TAB2: variants seen among roughly 807,000 people sequenced by gnomAD.
The protein encoded by TAB2 is TGF-beta-activated kinase 1 and MAP3K7-binding protein 2.
A neutral mutation model predicts 65.0 loss-of-function variants in TAB2; 3 were observed. That is an observed-to-expected ratio of 0.05 (90% CI 0.02 to 0.12). The LOEUF is 0.12. TAB2 is among the 10% of genes least tolerant of loss of function. The pLI, the probability that TAB2 is intolerant of heterozygous loss-of-function variation, is 1.00. For synonymous variants in TAB2, 298 were observed against 285.1 expected (o/e 1.05, Z -0.46); for missense variants, 623 against 840.3 (o/e 0.74, Z 3.20).
intron 1 of TAB2, among the ~76,000 whole-genome samples, chr6:149,357,083 T>C (rs1456978771): frequency 6.6e-6 from 1 of 152,162 alleles, no homozygotes; most frequent in Non-Finnish European, 1.5e-5. Context: ...ATTATTTACT[T>C]TTAATTTATT....
At chr6:149,391,152 G>A (rs1004834571) in intron 3 of TAB2, among the ~76,000 whole-genome samples, 8 of 152,104 alleles carry the variant, frequency 5.3e-5, no homozygotes, top group Admixed American at 3.3e-4. Flanking sequence ...AGAATTCTTG[G>A]TTGAATATCA....
At chr6:149,337,224 TG>T (rs1429394877) in intron 1 of TAB2, among the ~76,000 whole-genome samples, 10 of 113,388 alleles carry the variant, frequency 8.8e-5, no homozygotes, top group African/African-American at 2.7e-4. Context: ...ACTTGATAAC[TG>T]TTTCGGTATA....
intron 1 of TAB2, among the ~76,000 whole-genome samples, chr6:149,295,765 G>A (rs917852712): frequency 2.6e-5 from 4 of 151,718 alleles, no homozygotes; most frequent in African/African-American, 9.7e-5. Context: ...TTTGTGCCTG[G>A]TTATCTTTTT....
intron 1 of TAB2, among the ~76,000 whole-genome samples, chr6:149,339,737 T>C (rs1780056754): frequency 6.6e-6 from 1 of 151,768 alleles, no homozygotes. Flanking sequence ...TAGCTGGGAC[T>C]ACAGGTGTGC....
intron 6 of TAB2, among the ~76,000 whole-genome samples, chr6:149,403,339 TACACACACACACACACACACACAC>T (rs71010866): frequency 1.9e-5 from 2 of 105,790 alleles, no homozygotes; most frequent in Non-Finnish European, 3.6e-5. Flanking sequence ...TACATATATA[TACACACACACACACACACACACAC>T]ACACACACAC....
intron 1 of TAB2, among the ~76,000 whole-genome samples, chr6:149,222,767 T>G (rs572604714): frequency 6.6e-6 from 1 of 152,134 alleles, no homozygotes; most frequent in African/African-American, 2.4e-5. Context: ...GACCTACACT[T>G]TTCTTGCTGA....
At chr6:149,286,949 C>A (rs1171621311) in intron 1 of TAB2, among the ~76,000 whole-genome samples, 1 of 152,022 alleles carries the variant, frequency 6.6e-6, no homozygotes, top group African/African-American at 2.4e-5. Context: ...AACCCCGTTT[C>A]TACTAAAAAA....
chr6:149,396,174 C>T (rs868867787), intron 3 of TAB2, among the ~76,000 whole-genome samples: 5 of 152,076 alleles, frequency 3.3e-5, no homozygotes, highest in Middle Eastern at 3.2e-3. Flanking sequence ...TCCACCACCA[C>T]GCCCGGCAAC....
chr6:149,260,659 G>A (rs1173177339), intron 1 of TAB2, among the ~76,000 whole-genome samples: 2 of 152,194 alleles, frequency 1.3e-5, no homozygotes, highest in Non-Finnish European at 2.9e-5. Flanking sequence ...GTCAAAAATA[G>A]GCAAAACGAA....
intron 1 of TAB2, chr6:149,243,935 C>T (rs542363532): frequency 6.6e-6 from 1 of 152,340 alleles, no homozygotes; most frequent in South Asian, 2.1e-4. Context: ...ACAGTTCCTC[C>T]CTCCTAGATT....
chr6:149,382,919 C>T (rs757478819), intron 3 of TAB2, among the ~76,000 whole-genome samples: 50 of 152,146 alleles, frequency 3.3e-4, no homozygotes, highest in Middle Eastern at 3.4e-3. Flanking sequence ...TTTGGAAGAC[C>T]GAGGCGGGTG....
intron 1 of TAB2, among the ~76,000 whole-genome samples, chr6:149,319,276 C>G (rs1779359268): frequency 6.6e-6 from 1 of 152,240 alleles, no homozygotes; most frequent in South Asian, 2.1e-4. Context: ...GCTTACTACA[C>G]TGTTCATACA....
chr6:149,393,026 A>G (rs182539439), intron 3 of TAB2, among the ~76,000 whole-genome samples: 32 of 152,244 alleles, frequency 2.1e-4, no homozygotes, highest in Admixed American at 1.4e-3. Flanking sequence ...TTTTCCCTGT[A>G]GTTCATCTTT....
intron 1 of TAB2, among the ~76,000 whole-genome samples, chr6:149,264,651 A>C (rs1031602945): frequency 2.6e-5 from 4 of 152,170 alleles, no homozygotes; most frequent in African/African-American, 9.7e-5. Flanking sequence ...AGGAGTTTTT[A>C]TTCCATCCCA....
intron 1 of TAB2, among the ~76,000 whole-genome samples, chr6:149,289,693 A>G (rs1218298846): frequency 6.6e-6 from 1 of 152,260 alleles, no homozygotes; most frequent in Non-Finnish European, 1.5e-5. Context: ...AAATATTTGA[A>G]AAGATTTATT....
intron 3 of TAB2, among the ~76,000 whole-genome samples, chr6:149,392,243 C>A (rs535760779): frequency 6.6e-6 from 1 of 152,114 alleles, no homozygotes; most frequent in African/African-American, 2.4e-5. Context: ...CAGGTTCAAA[C>A]AGTTCTCCTG....
At chr6:149,290,738 A>C (rs1446583672) in intron 1 of TAB2, among the ~76,000 whole-genome samples, 1 of 152,150 alleles carries the variant, frequency 6.6e-6, no homozygotes, top group Non-Finnish European at 1.5e-5. Context: ...CTAGCTACTC[A>C]GGAGGCTCAG....
At chr6:149,405,410 T>G (rs1782630342) in intron 6 of TAB2, among the ~76,000 whole-genome samples, 1 of 152,198 alleles carries the variant, frequency 6.6e-6, no homozygotes, top group African/African-American at 2.4e-5. Context: ...TGAGCATATA[T>G]CCAAAGGAAA....
chr6:149,397,201 G>A (rs2114940368), intron 3 of TAB2, among the ~76,000 whole-genome samples: 1 of 152,344 alleles, frequency 6.6e-6, no homozygotes, highest in Non-Finnish European at 1.5e-5. Flanking sequence ...CAGCACTTTG[G>A]TAGGCCAAGG....
Sources: allele counts gnomAD v4.1 joint callset (sites outside exome capture counted in the v4.1 genomes callset), GRCh38; gene constraint gnomAD v4.1.1; transcripts MANE v1.5; gene names NCBI Gene and HGNC (gene_info 2026-07-23, HGNC 2026-07-21).